The following CSMD1 variants were observed in gnomAD, a reference collection of about 807,000 sequenced individuals.
The protein encoded by CSMD1 is CUB and Sushi multiple domains 1, also known as CUB and sushi domain-containing protein 1.
Under a neutral mutation model 417.5 loss-of-function variants are expected in CSMD1, and 213 were observed. The observed-to-expected ratio is 0.51, with a 90% CI of 0.46 to 0.57. The LOEUF is 0.57. Ranked by LOEUF, CSMD1 falls within the 20% of genes least tolerant of loss-of-function variation. The probability of loss-of-function intolerance (pLI) is 0.00; values close to 1 mark genes in which losing one functional copy is unlikely to be tolerated. For missense variants in CSMD1, 6,923 were observed against 4,529.7 expected (o/e 1.53, Z -15.17); for synonymous variants, 2,862 against 1,736.8 (o/e 1.65, Z -16.11).
chr8:3,330,110 T>C (rs1336581926), intron 23 of CSMD1, among the ~76,000 whole-genome samples: 1 of 152,128 alleles, frequency 6.6e-6, no homozygotes, highest in African/African-American at 2.4e-5. Flanking sequence ...AGCAGGGTAG[T>C]GGGTAGAGAG....
chr8:3,223,298 T>G lies in CSMD1; in HGVS notation c.4484+431A>C, dbSNP rs1164620758. On this transcript the variant is annotated intron_variant, in intron 28 of 69. Coordinates refer to ENST00000635120, the MANE Select transcript of CSMD1 (RefSeq NM_033225.6). ...GGAAACTTTCATTTTCCAGGCTCTATTAAGTCTTAATTTTATAATGATATT... is the reference window on the plus strand; with the variant it reads ...GGAAACTTTCATTTTCCAGGCTCTAGTAAGTCTTAATTTTATAATGATATT... Among the ~76,000 whole-genome samples the G allele has an allele frequency of 2.0e-5, 3 of 152,172 alleles. No homozygotes were observed. The East Asian group carries it at 5.8e-4, about 29-fold the overall frequency.
intron 3 of CSMD1, among the ~76,000 whole-genome samples, chr8:4,198,773 C>G (rs1799484326): frequency 6.6e-6 from 1 of 152,020 alleles, no homozygotes. Context: ...AAATACTATT[C>G]TAAGAGTTCA....
intron 3 of CSMD1, among the ~76,000 whole-genome samples, chr8:4,308,953 C>A (rs11779243): frequency 6.6e-6 from 1 of 151,822 alleles, no homozygotes; most frequent in Admixed American, 6.6e-5. Flanking sequence ...CTCTCAAATA[C>A]TCCCTGTAAC....
At chr8:4,530,578 A>T (rs1309384296) in intron 2 of CSMD1, among the ~76,000 whole-genome samples, 1 of 149,442 alleles carries the variant, frequency 6.7e-6, no homozygotes, top group African/African-American at 2.5e-5. Context: ...CCCACTTATG[A>T]GTGAGGAACA....
intron 26 of CSMD1, among the ~76,000 whole-genome samples, chr8:3,283,556 A>G (rs941716481): frequency 3.9e-5 from 6 of 152,166 alleles, no homozygotes; most frequent in Non-Finnish European, 7.3e-5. Context: ...ACTCCAAAAT[A>G]TGCAGTTTTG....
At chr8:3,945,484 C>T (rs1327121723) in intron 5 of CSMD1, among the ~76,000 whole-genome samples, 1 of 152,056 alleles carries the variant, frequency 6.6e-6, no homozygotes, top group Non-Finnish European at 1.5e-5. Flanking sequence ...TACTCTTCAA[C>T]TGTGAACTTC....
intron 41 of CSMD1, chr8:3,128,827 T>A (rs746875847): frequency 9.6e-5 from 43 of 448,206 alleles, no homozygotes; most frequent in Non-Finnish European, 1.2e-4. Flanking sequence ...TGAAAGTCCT[T>A]TCTTCTCCTT....
intron 18 of CSMD1, among the ~76,000 whole-genome samples, chr8:3,374,425 T>C (rs1411220056): frequency 2.6e-5 from 4 of 152,216 alleles, no homozygotes; most frequent in Admixed American, 2.6e-4. Context: ...TCCCTGTTTT[T>C]CCAAAGTTTA....
chr8:4,191,395 C>T (rs984057538), intron 3 of CSMD1, among the ~76,000 whole-genome samples: 1 of 151,264 alleles, frequency 6.6e-6, no homozygotes, highest in Admixed American at 6.6e-5. Context: ...GACTCTGTCT[C>T]AGAAAAAACA....
chr8:4,559,862 T>A (rs1329127680), intron 2 of CSMD1, among the ~76,000 whole-genome samples: 3 of 152,232 alleles, frequency 2.0e-5, no homozygotes, highest in Non-Finnish European at 4.4e-5. Flanking sequence ...TTCATGCCCC[T>A]TCTCCAGGAA....
chr8:4,750,770 T>C (rs1585041572), intron 1 of CSMD1, among the ~76,000 whole-genome samples: 1 of 149,854 alleles, frequency 6.7e-6, no homozygotes, highest in South Asian at 2.1e-4. Context: ...AAAAAAAAAG[T>C]AGTATTAGCA....
intron 30 of CSMD1, among the ~76,000 whole-genome samples, chr8:3,208,661 G>A (rs1279708913): frequency 1.3e-5 from 2 of 152,172 alleles, no homozygotes; most frequent in Non-Finnish European, 2.9e-5. Flanking sequence ...GTTGCCCAAG[G>A]AGATTAATAT....
intron 6 of CSMD1, among the ~76,000 whole-genome samples, chr8:3,709,850 CGT>C (rs141111663): frequency 2.2e-4 from 32 of 147,240 alleles, no homozygotes; most frequent in Admixed American, 2.0e-4. Flanking sequence ...TGTGTGTGTA[CGT>C]GTGTGTGTGT....
At chr8:3,302,366 G>A (rs143651380) in intron 25 of CSMD1, among the ~76,000 whole-genome samples, 53 of 151,988 alleles carry the variant, frequency 3.5e-4, no homozygotes, top group South Asian at 1.2e-3. Flanking sequence ...ACACTCCTAC[G>A]TCCTTCTTGG....
chr8:4,764,010 G>C (rs1013037630), intron 1 of CSMD1, among the ~76,000 whole-genome samples: 7 of 152,090 alleles, frequency 4.6e-5, no homozygotes, highest in African/African-American at 1.7e-4. Flanking sequence ...TTTTCATTTA[G>C]ATCTTACAAG....
At chr8:4,441,813 T>C (rs931531282) in intron 2 of CSMD1, among the ~76,000 whole-genome samples, 3 of 150,598 alleles carry the variant, frequency 2.0e-5, no homozygotes, top group Admixed American at 2.0e-4. Flanking sequence ...TAAGGTTCAA[T>C]CAAACACTGA....
intron 3 of CSMD1, among the ~76,000 whole-genome samples, chr8:4,378,567 G>A (rs1281456142): frequency 6.6e-6 from 1 of 152,076 alleles, no homozygotes; most frequent in Non-Finnish European, 1.5e-5. Flanking sequence ...GCTTTGCACT[G>A]GTCTTCAATA....
chr8:3,448,342 AGG>A (rs1482472164), intron 12 of CSMD1, among the ~76,000 whole-genome samples: 1 of 76,866 alleles, frequency 1.3e-5, no homozygotes, highest in East Asian at 4.9e-4. Flanking sequence ...GGAGGGAGGG[AGG>A]GAGGAAGGAA....
At chr8:4,443,290 A>G (rs1438880701) in intron 2 of CSMD1, among the ~76,000 whole-genome samples, 2 of 152,174 alleles carry the variant, frequency 1.3e-5, no homozygotes, top group African/African-American at 4.8e-5. Flanking sequence ...TAAGTTTTGT[A>G]TTCGCTAGAA....
Sources: allele counts gnomAD v4.1 joint callset (sites outside exome capture counted in the v4.1 genomes callset), GRCh38; gene constraint gnomAD v4.1.1; transcripts MANE v1.5; gene names NCBI Gene and HGNC (gene_info 2026-07-23, HGNC 2026-07-21).